Variants in CARM1 observed in about 807,000 individuals in gnomAD.
CARM1 encodes the protein histone-arginine methyltransferase CARM1.
Under a neutral mutation model 72.7 loss-of-function variants are expected in CARM1, and 14 were observed. That is an observed-to-expected ratio of 0.19 (90% CI 0.13 to 0.30). The LOEUF (loss-of-function observed/expected upper bound fraction) is 0.30. CARM1 is among the 10% of genes least tolerant of loss of function. The pLI, the probability that CARM1 is intolerant of heterozygous loss-of-function variation, is 1.00. For missense variants in CARM1, 432 were observed against 833.7 expected (o/e 0.52, Z 5.93); for synonymous variants, 333 against 345.5 (o/e 0.96, Z 0.40).
chr19:10,893,010 C>T (rs1376966709), intron 1 of CARM1, among the ~76,000 whole-genome samples: 1 of 152,072 alleles, frequency 6.6e-6, no homozygotes, highest in Non-Finnish European at 1.5e-5. Flanking sequence ...GGTGGGATTA[C>T]AGGCGTGAGC....
chr19:10,871,695 G>A lies in CARM1; in HGVS notation c.-8G>A. 2 of 801,918 alleles carry A rather than the reference G, an allele frequency of 2.5e-6. No individual in the cohort carries two copies. The highest frequency in any genetic ancestry group is 3.0e-6 in the Non-Finnish European group (2 of 665,482). The allele number at this position is 801,918 out of a possible 1,614,324, so 49.7% of individuals were successfully genotyped here. ...GCGGCGGCGGCGGGGCCTGGAGCCG[G>A]ATCTAAGATGGCAGCGGCGGCGGCG... is the stretch of plus-strand genomic sequence containing the variant. On this transcript the variant is annotated 5_prime_UTR_variant, in exon 1 of 16. Coordinates refer to ENST00000327064, the MANE Select transcript of CARM1 (RefSeq NM_199141.2). This position sits in a 1 kb window ranked among gnomAD's most constrained non-coding sequence, Gnocchi z 5.6.
chr19:10,871,595 G>GGTA lies in CARM1; in HGVS notation c.-107_-106insTAG, dbSNP rs1568342698. 1 of 60,446 alleles carries GGTA rather than the reference G, an allele frequency of 1.7e-5. No individual in the cohort carries two copies. Among genetic ancestry groups the GGTA allele is most frequent in the Non-Finnish European group, 3.7e-5 (1 of 27,394 alleles). 3.7% of individuals were successfully genotyped at this position (60,446 alleles called of 1,614,324 possible). On this transcript the variant is annotated 5_prime_UTR_variant, in exon 1 of 16. Transcript: ENST00000327064. The surrounding 1 kb of genome is among the most constrained non-coding windows in gnomAD (Gnocchi z 5.6). ...CTGCGGCGGCGGTAGCGGCAGCGGC[G>GGTA]GCGGCGGCGGCGGCGGCGGCGGCGG...
At chr19:10,893,599 A>G (rs1438671546) in intron 1 of CARM1, among the ~76,000 whole-genome samples, 1 of 150,166 alleles carries the variant, frequency 6.7e-6, no homozygotes, top group Admixed American at 6.6e-5. Context: ...TGGCCTCCCA[A>G]AGGGCTGAGA....
intron 4 of CARM1, among the ~76,000 whole-genome samples, chr19:10,911,024 G>C (rs1300400476): frequency 6.6e-6 from 1 of 152,046 alleles, no homozygotes; most frequent in Admixed American, 6.6e-5. Flanking sequence ...CCAAGTAGCT[G>C]GGATTACAGT....
At chr19:10,886,344 CCA>C (rs892476439) in intron 1 of CARM1, among the ~76,000 whole-genome samples, 28 of 151,796 alleles carry the variant, frequency 1.8e-4, no homozygotes, top group African/African-American at 6.8e-4. Context: ...CAGGCGTGAG[CCA>C]CCGTGCCCGG....
intron 1 of CARM1, among the ~76,000 whole-genome samples, chr19:10,890,789 ATATATATTTT>A (rs1220933441): frequency 1.0e-5 from 1 of 95,630 alleles, no homozygotes; most frequent in African/African-American, 5.0e-5. Context: ...ATATATATAT[ATATATATTTT>A]TTTTTTTTTT....
At chr19:10,889,538 A>G (rs910511482) in intron 1 of CARM1, among the ~76,000 whole-genome samples, 2 of 145,130 alleles carry the variant, frequency 1.4e-5, no homozygotes, top group Non-Finnish European at 3.0e-5. Context: ...CAAGTTGGCC[A>G]GGCTGGTCTC....
intron 3 of CARM1, chr19:10,908,818 C>A (rs1322111729): frequency 3.1e-6 from 1 of 323,322 alleles, no homozygotes. Flanking sequence ...GATGCCAGAA[C>A]CCTGCCTGTG....
chr19:10,893,936 G>A (rs1185241916), intron 1 of CARM1, among the ~76,000 whole-genome samples: 1 of 152,172 alleles, frequency 6.6e-6, no homozygotes, highest in Non-Finnish European at 1.5e-5. Flanking sequence ...TGATGCCAAA[G>A]CCCATCCTTT....
chr19:10,876,418 A>T (rs1333225755), intron 1 of CARM1, among the ~76,000 whole-genome samples: 3 of 152,222 alleles, frequency 2.0e-5, no homozygotes, highest in African/African-American at 7.2e-5. Flanking sequence ...CCTATGCTCC[A>T]GGGCTGCCCC....
intron 1 of CARM1, among the ~76,000 whole-genome samples, chr19:10,890,793 ATATT>A (rs1568348501): frequency 1.2e-5 from 1 of 83,812 alleles, no homozygotes; most frequent in Non-Finnish European, 2.1e-5. Flanking sequence ...ATATATATAT[ATATT>A]TTTTTTTTTT....
intron 1 of CARM1, among the ~76,000 whole-genome samples, chr19:10,872,209 G>A (rs937940415): frequency 4.6e-5 from 7 of 151,908 alleles, no homozygotes; most frequent in African/African-American, 9.7e-5. Context: ...AGCAGGAAGT[G>A]GGGGGCTCTG....
chr19:10,905,075 C>T lies in CARM1; in HGVS notation c.345C>T (p.Asn115=), dbSNP rs772368062. 25 of 1,613,244 alleles carry T rather than the reference C, an allele frequency of 1.5e-5. No homozygotes were observed. In the Admixed American group the frequency reaches 2.5e-4, roughly 16 times the overall value. Residue 115 remains asparagine, a splice_region_variant and synonymous_variant, in exon 2 of 16, where the codon AAC becomes AAT. Transcript: ENST00000327064. ...TCCTCATCCAGTTCGCCACACCCAA[C>T]GGTACGTGGCCCTCCTTCCATTCCG... ...NSVLIQFATP[N]DFCSFYNILK...
Position 10,921,415 on chromosome 19 carries a change from C to G in CARM1, c.1656C>G (p.Gly552=). The change falls in exon 15 of 16, where the codon GGC becomes GGG. Residue 552 remains glycine, a synonymous_variant. Transcript: ENST00000327064. ...GIVNHTHSRM[G]SIMSTGIVQG... is the part of the protein sequence containing the mutation. The stretch of plus-strand genomic sequence containing the variant: ...TCAATCACACCCACTCCCGGATGGG[C>G]TCCATAATGAGCACGGGGATTGTCC... 1 of 1,610,460 alleles carries G rather than the reference C, an allele frequency of 6.2e-7. No homozygotes were observed. Among genetic ancestry groups the G allele is most frequent in the Non-Finnish European group, 8.5e-7 (1 of 1,178,788 alleles).
chr19:10,915,622 C>T lies in CARM1; in HGVS notation c.848-785C>T, dbSNP rs1220184204. Among the ~76,000 whole-genome samples, 1 of 152,160 alleles carries T rather than the reference C, an allele frequency of 6.6e-6. No individual in the cohort carries two copies. Among genetic ancestry groups the T allele is most frequent in the Non-Finnish European group, 1.5e-5 (1 of 68,012 alleles). ...TTCCAGCAGCTGCAGCCCTGCAGCT[C>T]TCGCCTCGGGTACAGCCTGGTGGCG... is the stretch of plus-strand genomic sequence containing the variant. On this transcript the variant is annotated intron_variant, in intron 6 of 15. Coordinates refer to ENST00000327064, the MANE Select transcript of CARM1 (RefSeq NM_199141.2). This position sits in a 1 kb window ranked among gnomAD's most constrained non-coding sequence, Gnocchi z 4.6.
chr19:10,909,424 CTTG>C (rs1479517578), intron 4 of CARM1, among the ~76,000 whole-genome samples: 3 of 151,632 alleles, frequency 2.0e-5, no homozygotes, highest in East Asian at 1.9e-4. Flanking sequence ...GAGCGAGACT[CTTG>C]TCTCTTAAAA....
At chr19:10,876,913 T>C (rs1232573212) in intron 1 of CARM1, among the ~76,000 whole-genome samples, 2 of 152,252 alleles carry the variant, frequency 1.3e-5, no homozygotes, top group Non-Finnish European at 2.9e-5. Flanking sequence ...CACGAGTCAG[T>C]GTGGCCAGTG....
chr19:10,871,746 C>T lies in CARM1; in HGVS notation c.44C>T (p.Ala15Val), dbSNP rs1166807383. The T allele has an allele frequency of 9.6e-5, 102 of 1,061,182 alleles. No homozygotes were observed. Among genetic ancestry groups the T allele is most frequent in the Middle Eastern group, 4.2e-4 (1 of 2,390 alleles). 65.7% of individuals were successfully genotyped at this position (1,061,182 alleles called of 1,614,324 possible). A position where few individuals can be genotyped will look rare whatever the true frequency, so the allele number is the denominator to read the frequency against. ...GCGGTGGGGCCGGGCGCGGGCGGCG[C>T]GGGGTCGGCGGTCCCGGGCGGCGCG... ...AAAVGPGAGG[A>V]GSAVPGGAGP... The change falls in exon 1 of 16, where the codon GCG becomes GTG. Residue 15 changes from alanine to valine, a missense_variant. Coordinates refer to ENST00000327064, the MANE Select transcript of CARM1 (RefSeq NM_199141.2). This position sits in a 1 kb window ranked among gnomAD's most constrained non-coding sequence, Gnocchi z 5.6.
chr19:10,885,165 C>G (rs570377474), intron 1 of CARM1, among the ~76,000 whole-genome samples: 3 of 152,354 alleles, frequency 2.0e-5, no homozygotes, highest in African/African-American at 7.2e-5. Context: ...GGGACAGCCC[C>G]TCTTTCCCTG....
Sources: allele counts gnomAD v4.1 joint callset (sites outside exome capture counted in the v4.1 genomes callset), GRCh38; gene constraint gnomAD v4.1.1; non-coding constraint Gnocchi (gnomAD v3.1); transcripts MANE v1.5; gene names NCBI Gene and HGNC (gene_info 2026-07-23, HGNC 2026-07-21).